The following SHOC2 variants were observed in gnomAD, a reference collection of about 807,000 sequenced individuals.
SHOC2 encodes SHOC2 leucine rich repeat scaffold protein.
A neutral mutation model predicts 50.2 loss-of-function variants in SHOC2; 4 were observed. The observed-to-expected ratio is 0.08, with a 90% CI of 0.04 to 0.18. The LOEUF (loss-of-function observed/expected upper bound fraction) is 0.18, where lower values mean the gene tolerates loss of function less well. Ranked by LOEUF, SHOC2 falls within the 10% of genes least tolerant of loss-of-function variation. The pLI is 1.00. For missense variants in SHOC2, 388 were observed against 669.6 expected, an observed-to-expected ratio of 0.58 and a Z score of 4.64; for synonymous variants, 218 against 244.5, an observed-to-expected ratio of 0.89 and a Z score of 1.01.
intron 2 of SHOC2, 71 bp downstream of exon 2, chr10:110,965,132 C>CA (rs1301005788): frequency 2.3e-6 from 3 of 1,307,510 alleles, no homozygotes; most frequent in Admixed American, 1.9e-5. Context: ...TTTCTCATAT[C>CA]AAAAAATGCC....
At chr10:110,945,859 A>G (rs939588413) in intron 1 of SHOC2, among the ~76,000 whole-genome samples, 1 of 152,202 alleles carries the variant, frequency 6.6e-6, no homozygotes, top group Non-Finnish European at 1.5e-5. Flanking sequence ...ACCCTGGTTC[A>G]TCACTACCTG....
At chr10:111,002,956 A>G (rs1404603993) in intron 4 of SHOC2, among the ~76,000 whole-genome samples, 2 of 152,140 alleles carry the variant, frequency 1.3e-5, no homozygotes, top group Non-Finnish European at 2.9e-5. Flanking sequence ...ATTTTTTGCC[A>G]TGAGGCTCAG....
chr10:110,939,357 A>G (rs897080687), intron 1 of SHOC2, among the ~76,000 whole-genome samples: 2 of 152,086 alleles, frequency 1.3e-5, no homozygotes, highest in African/African-American at 4.8e-5. Flanking sequence ...AGCTGGGACC[A>G]TAAGCACGTG....
intron 3 of SHOC2, among the ~76,000 whole-genome samples, chr10:110,992,916 T>C (rs1299971806): frequency 1.3e-5 from 2 of 152,180 alleles, no homozygotes; most frequent in Non-Finnish European, 1.5e-5. Context: ...TTTGCTACTT[T>C]GTTAAAATAA....
chr10:110,965,530 A>G (rs535185056), intron 2 of SHOC2, among the ~76,000 whole-genome samples: 1 of 152,282 alleles, frequency 6.6e-6, no homozygotes, highest in East Asian at 1.9e-4. Context: ...AGAGCCTTAC[A>G]AAAGAGCAGT....
At chr10:110,922,893 A>G (rs1846682742) in intron 1 of SHOC2, among the ~76,000 whole-genome samples, 1 of 152,124 alleles carries the variant, frequency 6.6e-6, no homozygotes, top group South Asian at 2.1e-4. Flanking sequence ...GTAATTTATC[A>G]GTAGAATTAT....
intron 1 of SHOC2, among the ~76,000 whole-genome samples, chr10:110,958,800 AC>A (rs1590800531): frequency 6.6e-6 from 1 of 151,704 alleles, no homozygotes; most frequent in East Asian, 1.9e-4. Flanking sequence ...CTCAGACATT[AC>A]CCTGAATCCC....
chr10:110,945,569 A>G (rs1020336201), intron 1 of SHOC2, among the ~76,000 whole-genome samples: 2 of 152,124 alleles, frequency 1.3e-5, no homozygotes, highest in Middle Eastern at 6.3e-3. Flanking sequence ...GCTTTTGTGG[A>G]AGAGACAGTT....
chr10:110,933,659 C>T (rs932187509), intron 1 of SHOC2, among the ~76,000 whole-genome samples: 2 of 152,074 alleles, frequency 1.3e-5, no homozygotes, highest in African/African-American at 2.4e-5. Flanking sequence ...TGGAGCTGGG[C>T]GCAGTGGCAT....
intron 1 of SHOC2, among the ~76,000 whole-genome samples, chr10:110,949,104 A>G (rs939147996): frequency 2.6e-5 from 4 of 152,172 alleles, no homozygotes; most frequent in African/African-American, 9.7e-5. Flanking sequence ...AATAATAAAG[A>G]TCAGAGCAGA....
intron 1 of SHOC2, chr10:110,919,941 C>G (rs1207135843): frequency 2.1e-5 from 4 of 192,298 alleles, no homozygotes; most frequent in Non-Finnish European, 3.1e-5. Flanking sequence ...GGTGTGACAG[C>G]GGCCGGGGCC....
intron 3 of SHOC2, chr10:110,986,038 G>T: frequency 2.9e-6 from 1 of 341,102 alleles, no homozygotes; most frequent in Non-Finnish European, 5.5e-6. Flanking sequence ...ATTGCAAAAT[G>T]GGTGGCTTTT....
chr10:110,999,337 T>C (rs1848324011), intron 3 of SHOC2, among the ~76,000 whole-genome samples: 1 of 152,168 alleles, frequency 6.6e-6, no homozygotes, highest in African/African-American at 2.4e-5. Flanking sequence ...TAACGTATAT[T>C]GTTTGCAGAA....
At position 111,013,199 on chromosome 10, in the gene SHOC2, G is replaced by C. The variant is rs997392575; in HGVS notation, c.*1381G>C. On this transcript the variant is annotated 3_prime_UTR_variant, in exon 9 of 9. Transcript: ENST00000369452. ...CAGTATTGTTGGTCTAAGTCAATTT[G>C]ATTATTGAGGAGTCTCAGAGCAAGG... The C allele has an allele frequency of 6.6e-6, 1 of 151,944 alleles. No individual in the cohort carries two copies. Among genetic ancestry groups the C allele is most frequent in the Non-Finnish European group, 1.5e-5 (1 of 67,982 alleles). The allele number at this position is 151,944 out of a possible 1,614,324, so 9.4% of individuals were successfully genotyped here. A position where few individuals can be genotyped will look rare whatever the true frequency, so the allele number is the denominator to read the frequency against.
At position 110,997,607 on chromosome 10, in the gene SHOC2, C is replaced by T. The variant is rs1590828842; in HGVS notation, c.842-2808C>T. 2.0e-5 allele frequency among the ~76,000 whole-genome samples: 3 copies of T among 151,980 alleles called. 1 individual carries two copies. In the South Asian group the frequency reaches 6.2e-4, roughly 32 times the overall value. On this transcript the variant is annotated intron_variant, in intron 3 of 8. Transcript: ENST00000369452. ...TTTTATAACATAACTTTAGTATGTACAGAATATTGCAGAATATAGACATAC... is the reference window on the plus strand; with the variant it reads ...TTTTATAACATAACTTTAGTATGTATAGAATATTGCAGAATATAGACATAC...
intron 5 of SHOC2, among the ~76,000 whole-genome samples, chr10:111,006,900 A>T (rs1292166910): frequency 6.6e-6 from 1 of 152,220 alleles, no homozygotes; most frequent in Admixed American, 6.5e-5. Flanking sequence ...TTCTGTGGAC[A>T]GCATTGTCTA....
chr10:110,986,702 C>T (rs1420720334), intron 3 of SHOC2, among the ~76,000 whole-genome samples: 1 of 152,156 alleles, frequency 6.6e-6, no homozygotes, highest in East Asian at 1.9e-4. Context: ...TCTTGAACTC[C>T]TGACCTCAGG....
chr10:110,952,196 A>G (rs1847367119), intron 1 of SHOC2, among the ~76,000 whole-genome samples: 1 of 152,146 alleles, frequency 6.6e-6, no homozygotes, highest in African/African-American at 2.4e-5. Context: ...AATTTTTAAA[A>G]TATAGTCTTC....
intron 2 of SHOC2, among the ~76,000 whole-genome samples, chr10:110,969,750 A>G (rs1342898377): frequency 6.6e-6 from 1 of 152,198 alleles, no homozygotes; most frequent in Non-Finnish European, 1.5e-5. Context: ...ATATTTATGT[A>G]GTATATAATT....
Sources: gnomAD v4.1 joint callset for allele counts (sites outside exome capture counted in the v4.1 genomes callset) on GRCh38, gnomAD v4.1.1 for gene constraint, MANE v1.5 for transcripts, NCBI Gene and HGNC (gene_info 2026-07-23, HGNC 2026-07-21) for gene names.